FSCN2: variants seen among roughly 807,000 people sequenced by gnomAD.
FSCN2 encodes fascin-2.
A neutral mutation model predicts 37.8 loss-of-function variants in FSCN2; 46 were observed. The ratio of observed to expected loss-of-function variants is 1.22; its 90% CI spans 0.96 to 1.56. The LOEUF is 1.56. Ranked by LOEUF, FSCN2 falls within the 40% of genes most tolerant of loss-of-function variation. FSCN2 has a pLI of 0.00. For missense variants in FSCN2, 844 were observed against 730.4 expected, an observed-to-expected ratio of 1.16 and a Z score of -1.79; for synonymous variants, 351 against 309.4, an observed-to-expected ratio of 1.13 and a Z score of -1.41.
In FSCN2 at chr17:81,532,644, A is replaced by G. The variant is rs1052596335; in HGVS notation, c.827-2408A>G. Among the ~76,000 whole-genome samples, 149 of 141,750 alleles carry G rather than the reference A, an allele frequency of 1.1e-3. 1 individual carries two copies. The highest frequency in any genetic ancestry group is 6.4e-3 in the South Asian group (28 of 4,408). 93.0% of individuals were successfully genotyped at this position (141,750 alleles called of 152,430 possible). A position where few individuals can be genotyped will look rare whatever the true frequency, so the allele number is the denominator to read the frequency against. ...AATGGTGATGATGGTGATGGTGATG[A>G]TGGTGGTGATGGTGATGATGGAGGC... On this transcript the variant is annotated intron_variant, in intron 1 of 4. Coordinates refer to ENST00000417245, the MANE Select transcript of FSCN2 (RefSeq NM_012418.4).
the FSCN2 span, among the ~76,000 whole-genome samples, chr17:81,522,869 C>T: frequency 6.6e-6 from 1 of 152,208 alleles, no homozygotes; most frequent in Non-Finnish European, 1.5e-5. Flanking sequence ...TTCATGAACA[C>T]TCTCCTCCTG....
In FSCN2 at chr17:81,535,166, C is replaced by T. The variant is rs930541410; in HGVS notation, c.941C>T (p.Thr314Ile). The stretch of plus-strand genomic sequence containing the variant: ...TATTCCAGCACTGGGGGCTACTGGA[C>T]CCTGGTCACCCATGGGGGCATTCAC... Reference protein sequence around the residue: ...TFYSSTGGYWTLVTHGGIHAT... With the variant: ...TFYSSTGGYWILVTHGGIHAT... The change falls in exon 2 of 5, where the codon ACC (threonine) becomes ATC (isoleucine). Residue 314 changes from threonine to isoleucine, a missense_variant. Transcript: ENST00000417245. 1 of 1,533,642 alleles carries T rather than the reference C, an allele frequency of 6.5e-7. No individual in the cohort carries two copies. The highest frequency in any genetic ancestry group is 1.4e-5 in the African/African-American group (1 of 72,942).
At chr17:81,522,838 C>T in the FSCN2 span, among the ~76,000 whole-genome samples, 12 of 152,236 alleles carry the variant, frequency 7.9e-5, no homozygotes, top group African/African-American at 2.9e-4. Context: ...AAGCCCCAAG[C>T]AGCCAGGGGC....
At chr17:81,535,006 C>G in intron 1 of FSCN2, 46 bp from the exon 2 acceptor site, 1 of 1,457,828 alleles carries the variant, frequency 6.9e-7, no homozygotes, top group Non-Finnish European at 9.1e-7. Context: ...TCCCCTGCTC[C>G]CTACCCAGGA....
Position 81,536,261 on chromosome 17 carries a change from T to C in FSCN2, c.1099T>C (p.Phe367Leu), listed in dbSNP as rs200938099. Reference sequence around the variant, plus strand: ...TGGGCAGCTGGCGGCTATCAGCGATTTTGTCGGTGAGCACTCTGCCTGCCA... The same window carrying C: ...TGGGCAGCTGGCGGCTATCAGCGATCTTGTCGGTGAGCACTCTGCCTGCCA... ...KNGQLAAISDFVGKDEEFTLK... is the reference protein window; with the variant it reads ...KNGQLAAISDLVGKDEEFTLK... The change falls in exon 3 of 5, where the codon TTT (phenylalanine) becomes CTT (leucine). Residue 367 changes from phenylalanine (F) to leucine (L), a missense_variant. Phe to Leu is a conservative substitution (Grantham distance 22, BLOSUM62 0). Coordinates refer to ENST00000417245, the MANE Select transcript of FSCN2 (RefSeq NM_012418.4). 334 of 1,598,414 alleles carry C rather than the reference T, an allele frequency of 2.1e-4. 1 individual carries two copies. Among genetic ancestry groups the C allele is most frequent in the Middle Eastern group, 8.2e-4 (5 of 6,070 alleles).
rs1568077070 is a variant in FSCN2, at chr17:81,531,303, ATGG to A, written c.826+1958_826+1960del. Among the ~76,000 whole-genome samples the A allele has an allele frequency of 3.2e-3, 121 of 37,252 alleles. 2 individuals carry two copies. Among genetic ancestry groups the A allele is most frequent in the African/African-American group, 0.013 (83 of 6,584 alleles). The allele number at this position is 37,252 out of a possible 152,430, so 24.4% of individuals were successfully genotyped here. On this transcript the variant is annotated intron_variant, in intron 1 of 4. Coordinates refer to ENST00000417245, the MANE Select transcript of FSCN2 (RefSeq NM_012418.4). ...GGTGATGGTGATGGTGGTGATGGTG[ATGG>A]TGGTGGTGGTGATGATGGTGGTGGT...
chr17:81,535,326 AGCC>A (rs2032816077), intron 2 of FSCN2, 118 bp downstream of exon 2: 1 of 491,374 alleles, frequency 2.0e-6, no homozygotes, highest in Non-Finnish European at 3.3e-6. Flanking sequence ...CACCCCCACC[AGCC>A]CCATCCCCAT....
chr17:81,522,289 C>G, the FSCN2 span, among the ~76,000 whole-genome samples: 2 of 152,178 alleles, frequency 1.3e-5, no homozygotes, highest in Non-Finnish European at 2.9e-5. Flanking sequence ...ACAGCCCGGC[C>G]AAACTATCAT....
In FSCN2 at chr17:81,536,793, C is replaced by T. The variant is rs1190362024; in HGVS notation, c.1273+4C>T. On this transcript the variant is annotated splice_donor_region_variant and intron_variant, in intron 4 of 4. Coordinates refer to ENST00000417245, the MANE Select transcript of FSCN2 (RefSeq NM_012418.4). Reference sequence around the variant, plus strand: ...GACGGCGCCTACCGGATCCGAGGTGCGTGGCGGGGCGGGTGGGCACGCGGG... The same window carrying T: ...GACGGCGCCTACCGGATCCGAGGTGTGTGGCGGGGCGGGTGGGCACGCGGG... 11 of 1,478,424 alleles carry T rather than the reference C, an allele frequency of 7.4e-6. No homozygotes were observed. The highest frequency in any genetic ancestry group is 2.5e-5 in the East Asian group (1 of 39,472). 91.6% of individuals were successfully genotyped at this position (1,478,424 alleles called of 1,614,324 possible).
chr17:81,520,123 A>G, the FSCN2 span, among the ~76,000 whole-genome samples: 1 of 152,152 alleles, frequency 6.6e-6, no homozygotes, highest in Non-Finnish European at 1.5e-5. Context: ...CCAAGGGGCC[A>G]GGTTGTTTGC....
Position 81,535,053 on chromosome 17 carries a change from G to C in FSCN2, c.828G>C (p.Gly276=), listed in dbSNP as rs780353525. Residue 276 remains glycine (G), a splice_region_variant and synonymous_variant, in exon 2 of 5, where the codon GGG becomes GGC. Coordinates refer to ENST00000417245, the MANE Select transcript of FSCN2 (RefSeq NM_012418.4). ...GGCTTCCCCATCTCCTCCCTCCAGG[G>C]GTCAACGTCTCAGCCAATCAGGATG... ...ANHRYVSVRQ[G]VNVSANQDDE... 7.2e-6 allele frequency: 11 copies of C among 1,527,718 alleles called. No homozygotes were observed. Among genetic ancestry groups the C allele is most frequent in the Non-Finnish European group, 9.6e-6 (11 of 1,142,312 alleles). 94.6% of individuals were successfully genotyped at this position (1,527,718 alleles called of 1,614,324 possible). A position where few individuals can be genotyped will look rare whatever the true frequency, so the allele number is the denominator to read the frequency against.
At position 81,529,361 on chromosome 17, in the gene FSCN2, G is replaced by A; in HGVS notation, c.826+4G>A. 6.5e-7 allele frequency: 1 copy of A among 1,535,380 alleles called. No homozygotes were observed. Among genetic ancestry groups the A allele is most frequent in the East Asian group, 2.3e-5 (1 of 43,496 alleles). Reference sequence around the variant, plus strand: ...CGCTACGTCTCTGTGCGGCAAGGTAGGGAGGGCACAGGTGGCGACCTCCTG... The same window carrying A: ...CGCTACGTCTCTGTGCGGCAAGGTAAGGAGGGCACAGGTGGCGACCTCCTG... On this transcript the variant is annotated splice_donor_region_variant and intron_variant, in intron 1 of 4. Coordinates refer to ENST00000417245, the MANE Select transcript of FSCN2 (RefSeq NM_012418.4).
At chr17:81,519,431 G>C in the FSCN2 span, among the ~76,000 whole-genome samples, 1 of 152,182 alleles carries the variant, frequency 6.6e-6, no homozygotes, top group Non-Finnish European at 1.5e-5. Context: ...CCACGAGCTC[G>C]GAGGCCTGGG....
chr17:81,526,571 C>T (rs764130656), upstream of FSCN2, among the ~76,000 whole-genome samples: 3 of 152,238 alleles, frequency 2.0e-5, no homozygotes, highest in Non-Finnish European at 4.4e-5. Flanking sequence ...TTCCAGTGAG[C>T]CAAGATTGCG....
At chr17:81,532,146 GTGATGGTGATGA>G (rs1568078742) in intron 1 of FSCN2, among the ~76,000 whole-genome samples, 12 of 132,932 alleles carry the variant, frequency 9.0e-5, no homozygotes, top group Admixed American at 3.7e-4. Flanking sequence ...GGTGATGATG[GTGATGGTGATGA>G]TGATGGTGAT....
the FSCN2 span, among the ~76,000 whole-genome samples, chr17:81,522,615 C>T: frequency 1.3e-5 from 2 of 152,216 alleles, no homozygotes; most frequent in African/African-American, 2.4e-5. Flanking sequence ...ACTGAACTTG[C>T]GGGTGGACGT....
At chr17:81,516,133 C>T in the FSCN2 span, among the ~76,000 whole-genome samples, 3 of 152,372 alleles carry the variant, frequency 2.0e-5, no homozygotes, top group South Asian at 6.2e-4. Context: ...CGTGAGCCAC[C>T]TCACCCAGCC....
upstream of FSCN2, among the ~76,000 whole-genome samples, chr17:81,524,124 T>C (rs2032280424): frequency 1.3e-5 from 2 of 152,146 alleles, no homozygotes; most frequent in South Asian, 4.1e-4. Flanking sequence ...AACGATTTCC[T>C]AAGGGCTCTC....
Position 81,535,068 on chromosome 17 carries a change from C to T in FSCN2, c.843C>T (p.Ala281=). The change falls in exon 2 of 5, where the codon GCC becomes GCT. Residue 281 remains alanine (A), a synonymous_variant. Coordinates refer to ENST00000417245, the MANE Select transcript of FSCN2 (RefSeq NM_012418.4). ...TCCCTCCAGGGGTCAACGTCTCAGC[C>T]AATCAGGATGATGAACTAGACCACG... ...VSVRQGVNVS[A]NQDDELDHET... 3 of 1,532,268 alleles carry T rather than the reference C, an allele frequency of 2.0e-6. No homozygotes were observed. The highest frequency in any genetic ancestry group is 2.4e-5 in the South Asian group (2 of 83,498). The allele number at this position is 1,532,268 out of a possible 1,614,324, so 94.9% of individuals were successfully genotyped here.
Sources: allele counts gnomAD v4.1 joint callset (sites outside exome capture counted in the v4.1 genomes callset), GRCh38; gene constraint gnomAD v4.1.1; transcripts MANE v1.5; gene names NCBI Gene and HGNC (gene_info 2026-07-23, HGNC 2026-07-21).